Variants in HACD2 observed in about 807,000 individuals in gnomAD.
HACD2 encodes very-long-chain (3R)-3-hydroxyacyl-CoA dehydratase 2.
HACD2 carries 15 observed loss-of-function variants against 31.0 expected under a neutral mutation model. The ratio of observed to expected loss-of-function variants is 0.48; its 90% confidence interval spans 0.32 to 0.75. The LOEUF is 0.75. Among genes scored for constraint, HACD2 ranks in the 30% least tolerant of loss-of-function variants. HACD2 has a pLI of 0.03. For synonymous variants in HACD2, 115 were observed against 122.2 expected, an observed-to-expected ratio of 0.94 and a Z score of 0.39; for missense variants, 283 against 313.0, an observed-to-expected ratio of 0.90 and a Z score of 0.72.
intron 3 of HACD2, among the ~76,000 whole-genome samples, chr3:123,562,769 ATACTT>A (rs1476543188): frequency 6.6e-6 from 1 of 152,250 alleles, no homozygotes; most frequent in Non-Finnish European, 1.5e-5. Flanking sequence ...ACTCAGGTCT[ATACTT>A]TTCATCAACA....
chr3:123,567,733 A>T lies in HACD2; in HGVS notation c.292+29T>A, dbSNP rs529342391. 2.2e-6 allele frequency: 3 copies of T among 1,392,566 alleles called. No homozygotes were observed. The East Asian group carries it at 7.8e-5, about 36-fold the overall frequency. The allele number at this position is 1,392,566 out of a possible 1,614,324, so 86.3% of individuals were successfully genotyped here. A position where few individuals can be genotyped will look rare whatever the true frequency, so the allele number is the denominator to read the frequency against. On this transcript the variant is annotated intron_variant, in intron 3 of 6. Transcript: ENST00000383657. The stretch of plus-strand genomic sequence containing the variant: ...TTTTTAAATAAGCAGAATTCACTGT[A>T]CATAGTAGGGGGGAATATCCATACT...
intron 3 of HACD2, among the ~76,000 whole-genome samples, chr3:123,564,667 T>C (rs1212043306): frequency 6.6e-6 from 1 of 152,130 alleles, no homozygotes; most frequent in Non-Finnish European, 1.5e-5. Flanking sequence ...AGAAAGAGCC[T>C]ACCATAAATC....
chr3:123,564,703 T>C (rs1455571789), intron 3 of HACD2, among the ~76,000 whole-genome samples: 3 of 152,146 alleles, frequency 2.0e-5, no homozygotes, highest in Non-Finnish European at 4.4e-5. Flanking sequence ...AGAACAGTTA[T>C]ATAGTAGTAT....
chr3:123,505,289 T>C (rs967995705), intron 4 of HACD2, among the ~76,000 whole-genome samples: 3 of 152,196 alleles, frequency 2.0e-5, no homozygotes, highest in Non-Finnish European at 4.4e-5. Flanking sequence ...TTAATTGGTA[T>C]GGAGTTCCAG....
intron 3 of HACD2, among the ~76,000 whole-genome samples, chr3:123,566,351 C>T (rs570019882): frequency 1.6e-4 from 24 of 152,008 alleles, no homozygotes; most frequent in Admixed American, 2.0e-4. Flanking sequence ...ATGGTGTGAT[C>T]GTGGCTCACT....
intron 3 of HACD2, among the ~76,000 whole-genome samples, chr3:123,554,929 A>G (rs2056658446): frequency 6.6e-6 from 1 of 152,254 alleles, no homozygotes; most frequent in Non-Finnish European, 1.5e-5. Context: ...GCATCAAATA[A>G]CATAGCAACA....
At chr3:123,537,541 G>GA (rs2056440668) in intron 3 of HACD2, among the ~76,000 whole-genome samples, 1 of 150,554 alleles carries the variant, frequency 6.6e-6, no homozygotes, top group African/African-American at 2.4e-5. Context: ...CTCCAGCCTG[G>GA]AATGACAGTG....
intron 4 of HACD2, among the ~76,000 whole-genome samples, chr3:123,520,638 C>T (rs986832897): frequency 6.6e-6 from 1 of 152,218 alleles, no homozygotes; most frequent in African/African-American, 2.4e-5. Flanking sequence ...CTTTCCACCA[C>T]TGTATGGTAC....
chr3:123,568,105 A>G (rs146314294), intron 2 of HACD2, among the ~76,000 whole-genome samples: 114 of 152,344 alleles, frequency 7.5e-4, no homozygotes, highest in Middle Eastern at 3.4e-3. Flanking sequence ...ATAAGTGTAC[A>G]GCATCTCCAT....
chr3:123,551,866 T>C (rs2107732174), intron 3 of HACD2, among the ~76,000 whole-genome samples: 1 of 152,298 alleles, frequency 6.6e-6, no homozygotes, highest in South Asian at 2.1e-4. Flanking sequence ...AATATATCTA[T>C]ATAGCTGAAT....
At chr3:123,542,038 T>G (rs2107720774) in intron 3 of HACD2, among the ~76,000 whole-genome samples, 1 of 144,224 alleles carries the variant, frequency 6.9e-6, no homozygotes, top group East Asian at 2.1e-4. Flanking sequence ...TCCCAGCTAC[T>G]TGGGAGGCTG....
intron 4 of HACD2, among the ~76,000 whole-genome samples, chr3:123,520,822 G>C (rs1389687894): frequency 6.6e-6 from 1 of 152,078 alleles, no homozygotes; most frequent in Admixed American, 6.6e-5. Context: ...GTTTCCCCGT[G>C]TTATTCATTA....
chr3:123,559,510 G>A (rs2056705431), intron 3 of HACD2, among the ~76,000 whole-genome samples: 1 of 152,200 alleles, frequency 6.6e-6, no homozygotes, highest in Non-Finnish European at 1.5e-5. Flanking sequence ...TTCAGAACGA[G>A]TGGCTGTAAG....
chr3:123,553,151 G>C (rs2056637823), intron 3 of HACD2, among the ~76,000 whole-genome samples: 1 of 152,190 alleles, frequency 6.6e-6, no homozygotes, highest in South Asian at 2.1e-4. Context: ...AAGCTCAATT[G>C]AGGCATGTCC....
intron 3 of HACD2, among the ~76,000 whole-genome samples, chr3:123,551,907 C>T (rs1300291428): frequency 6.6e-6 from 1 of 152,080 alleles, no homozygotes; most frequent in African/African-American, 2.4e-5. Flanking sequence ...CTATACAGAT[C>T]AACAGTAACA....
chr3:123,573,438 C>T (rs530842419), intron 2 of HACD2, among the ~76,000 whole-genome samples: 12 of 152,198 alleles, frequency 7.9e-5, no homozygotes, highest in Admixed American at 1.3e-4. Context: ...CTCATTTGAG[C>T]GTAAATTTGG....
chr3:123,533,883 A>G (rs1246251388), intron 3 of HACD2, among the ~76,000 whole-genome samples: 1 of 152,210 alleles, frequency 6.6e-6, no homozygotes, highest in Non-Finnish European at 1.5e-5. Flanking sequence ...CATGATTACA[A>G]CTTGGTTTCA....
In HACD2 at chr3:123,493,561, T is replaced by C. The variant is rs1024680041; in HGVS notation, c.*1327A>G. 6.6e-6 allele frequency: 1 copy of C among 152,260 alleles called. No individual in the cohort carries two copies. Among genetic ancestry groups the C allele is most frequent in the African/African-American group, 2.4e-5 (1 of 41,468 alleles). 9.4% of individuals were successfully genotyped at this position (152,260 alleles called of 1,614,324 possible). ...AGATACTGTGCTATTTAATACTTAATGCACATCTAAACTTGGGCTTTCACA... is the reference window on the plus strand; with the variant it reads ...AGATACTGTGCTATTTAATACTTAACGCACATCTAAACTTGGGCTTTCACA... On this transcript the variant is annotated 3_prime_UTR_variant, in exon 7 of 7. Transcript: ENST00000383657.
At chr3:123,564,071 C>G (rs2697522) in intron 3 of HACD2, among the ~76,000 whole-genome samples, 55,248 of 151,804 alleles carry the variant, frequency 0.36, 11,093 homozygotes, top group African/African-American at 0.55. Flanking sequence ...GAGAGAGGAG[C>G]ATACACTATC....
Sources: allele counts gnomAD v4.1 joint callset (sites outside exome capture counted in the v4.1 genomes callset), GRCh38; gene constraint gnomAD v4.1.1; transcripts MANE v1.5; gene names NCBI Gene and HGNC (gene_info 2026-07-23, HGNC 2026-07-21).